DCDC1: variants seen among roughly 807,000 people sequenced by gnomAD.
DCDC1 encodes the protein doublecortin domain-containing protein 1.
In DCDC1, 200 loss-of-function variants were observed where a neutral mutation model predicts 178.3. The ratio of observed to expected loss-of-function variants is 1.12; its 90% confidence interval spans 1.00 to 1.26. The LOEUF is 1.26. DCDC1 is among the 50% of genes most tolerant of loss of function. DCDC1 has a pLI of 0.00. For missense variants in DCDC1, 1,983 were observed against 1,749.2 expected (o/e 1.13, Z -2.38); for synonymous variants, 690 against 604.8 (o/e 1.14, Z -2.07).
At chr11:31,355,000 G>T (rs777305988) in intron 1 of DCDC1, among the ~76,000 whole-genome samples, 1 of 147,330 alleles carries the variant, frequency 6.8e-6, no homozygotes, top group Non-Finnish European at 1.5e-5. Flanking sequence ...GTTGCACTGG[G>T]ACAACAGTGC....
chr11:30,873,340 TATAC>T (rs199605008), intron 38 of DCDC1, among the ~76,000 whole-genome samples: 1,784 of 136,658 alleles, frequency 0.013, 21 homozygotes, highest in Admixed American at 0.031. Flanking sequence ...TGTGTGTGTA[TATAC>T]ATATATATAT....
At chr11:31,106,721 T>C (rs1052340384) in intron 13 of DCDC1, 76 bp downstream of exon 13, 1 of 731,858 alleles carries the variant, frequency 1.4e-6, no homozygotes, top group African/African-American at 1.8e-5. Context: ...GGGTGCTACT[T>C]GACTTCTCAA....
chr11:31,351,482 G>A (rs184342476), intron 1 of DCDC1, among the ~76,000 whole-genome samples: 1 of 152,098 alleles, frequency 6.6e-6, no homozygotes, highest in East Asian at 1.9e-4. Context: ...TCCCCTTTTA[G>A]CAGGAGATAC....
chr11:31,033,700 G>C (rs1484638946), intron 20 of DCDC1, among the ~76,000 whole-genome samples: 4 of 152,224 alleles, frequency 2.6e-5, no homozygotes, highest in African/African-American at 9.6e-5. Context: ...GTTAATAACA[G>C]ACCACAGATA....
At chr11:31,016,283 G>A (rs1036697177) in intron 20 of DCDC1, among the ~76,000 whole-genome samples, 6 of 152,310 alleles carry the variant, frequency 3.9e-5, no homozygotes, top group Non-Finnish European at 7.4e-5. Flanking sequence ...GGAGTAGCAT[G>A]AGTAAGAAAA....
At chr11:31,229,419 A>G (rs548225531) in intron 9 of DCDC1, among the ~76,000 whole-genome samples, 13 of 152,320 alleles carry the variant, frequency 8.5e-5, no homozygotes, top group African/African-American at 3.1e-4. Flanking sequence ...TGTAAATACT[A>G]CATGAACAAG....
intron 12 of DCDC1, among the ~76,000 whole-genome samples, chr11:31,107,880 T>A (rs927050697): frequency 1.3e-5 from 2 of 152,202 alleles, no homozygotes; most frequent in Non-Finnish European, 2.9e-5. Context: ...CTCGGTTTCT[T>A]GTTATCCTGT....
chr11:31,001,187 T>C (rs1004009311), intron 20 of DCDC1, among the ~76,000 whole-genome samples: 1 of 152,206 alleles, frequency 6.6e-6, no homozygotes, highest in African/African-American at 2.4e-5. Flanking sequence ...ACTCATGGAT[T>C]CTTATTTTGT....
chr11:31,279,904 TA>T (rs1388487828), intron 7 of DCDC1, among the ~76,000 whole-genome samples: 6 of 151,968 alleles, frequency 3.9e-5, no homozygotes, highest in African/African-American at 1.4e-4. Flanking sequence ...ATAATAATAA[TA>T]ATAAAAGATT....
intron 9 of DCDC1, among the ~76,000 whole-genome samples, chr11:31,175,681 T>G (rs1300544021): frequency 6.6e-6 from 1 of 152,188 alleles, no homozygotes; most frequent in Non-Finnish European, 1.5e-5. Flanking sequence ...TCAACCTCCA[T>G]GCCCACATGT....
chr11:30,974,845 T>G (rs1231879645), intron 20 of DCDC1, among the ~76,000 whole-genome samples: 1 of 151,944 alleles, frequency 6.6e-6, no homozygotes, highest in Non-Finnish European at 1.5e-5. Context: ...AAATAAAGAC[T>G]ATGGAACTCT....
At chr11:30,993,172 A>G (rs1278138272) in intron 20 of DCDC1, among the ~76,000 whole-genome samples, 1 of 152,136 alleles carries the variant, frequency 6.6e-6, no homozygotes, top group Non-Finnish European at 1.5e-5. Context: ...TGTGTAATTT[A>G]CTTCTAAATA....
chr11:31,135,937 C>G (rs1224052950), intron 10 of DCDC1, among the ~76,000 whole-genome samples: 2 of 151,998 alleles, frequency 1.3e-5, no homozygotes, highest in South Asian at 2.1e-4. Context: ...TCCAAGGCCA[C>G]TTCAAGTTTT....
At chr11:31,083,115 C>A (rs1472093234) in intron 17 of DCDC1, among the ~76,000 whole-genome samples, 1 of 152,200 alleles carries the variant, frequency 6.6e-6, no homozygotes, top group East Asian at 1.9e-4. Context: ...GTGTTTTTAA[C>A]CTAGTCCGGT....
intron 17 of DCDC1, among the ~76,000 whole-genome samples, chr11:31,087,373 T>C (rs1388960852): frequency 3.3e-5 from 5 of 152,058 alleles, no homozygotes; most frequent in Non-Finnish European, 5.9e-5. Flanking sequence ...TCTTTTATTA[T>C]CCCATTTCTT....
At chr11:31,236,502 C>A (rs1433346477) in intron 9 of DCDC1, among the ~76,000 whole-genome samples, 1 of 151,942 alleles carries the variant, frequency 6.6e-6, no homozygotes, top group Non-Finnish European at 1.5e-5. Flanking sequence ...GACCAGAAAT[C>A]CATTTTCATC....
At chr11:31,273,313 T>G (rs1945722752) in intron 7 of DCDC1, among the ~76,000 whole-genome samples, 1 of 152,216 alleles carries the variant, frequency 6.6e-6, no homozygotes, top group Admixed American at 6.5e-5. Flanking sequence ...TTTATAAAAC[T>G]GAATGCCTTT....
intron 16 of DCDC1, among the ~76,000 whole-genome samples, chr11:31,093,297 T>C (rs908023780): frequency 3.9e-5 from 6 of 152,238 alleles, no homozygotes; most frequent in Non-Finnish European, 5.9e-5. Context: ...AAATTTCATT[T>C]GCGAAAATAG....
At chr11:30,990,499 C>A (rs1052782287) in intron 20 of DCDC1, among the ~76,000 whole-genome samples, 5 of 151,914 alleles carry the variant, frequency 3.3e-5, no homozygotes, top group African/African-American at 7.3e-5. Context: ...AAGCCACAGC[C>A]AAAAAATATA....
Sources: allele counts gnomAD v4.1 joint callset (sites outside exome capture counted in the v4.1 genomes callset), GRCh38; gene constraint gnomAD v4.1.1; transcripts MANE v1.5; gene names NCBI Gene and HGNC (gene_info 2026-07-23, HGNC 2026-07-21).